The following TSHZ3 variants were observed in gnomAD, a reference collection of about 807,000 sequenced individuals.
TSHZ3 encodes the protein teashirt homolog 3.
A neutral mutation model predicts 64.5 loss-of-function variants in TSHZ3; 10 were observed. That is an observed-to-expected ratio of 0.16 (90% CI 0.10 to 0.26). The LOEUF (loss-of-function observed/expected upper bound fraction) is 0.26, where lower values mean the gene tolerates loss of function less well. Among genes scored for constraint, TSHZ3 ranks in the 10% least tolerant of loss-of-function variants. TSHZ3 has a pLI of 1.00. For missense variants in TSHZ3, 1,242 were observed against 1,421.7 expected (o/e 0.87, Z 2.03); for synonymous variants, 608 against 593.1 (o/e 1.03, Z -0.36).
chr19:31,347,690 C>T (rs1568389169), intron 1 of TSHZ3, among the ~76,000 whole-genome samples: 1 of 152,294 alleles, frequency 6.6e-6, no homozygotes, highest in East Asian at 1.9e-4. Flanking sequence ...TAAATTTGGG[C>T]AACACCGAGG....
At chr19:31,202,024 G>A (rs1412290813) in intron 5 of TSHZ3, among the ~76,000 whole-genome samples, 1 of 152,104 alleles carries the variant, frequency 6.6e-6, no homozygotes, top group Non-Finnish European at 1.5e-5. Context: ...AAAATTAGCT[G>A]AGCGTGCTGG....
rs556516595 is a variant in TSHZ3, at chr19:31,279,484, C to T, written c.309G>A (p.Thr103=). The part of the protein sequence containing the change: ...IKNEEETKEV[T]VPLEDTTVSD... ...ACACAGTCGTGTCTTCCAGTGGGAC[C>T]GTGACCTCCTTGGTCTCCTCTTCGT... The change falls in exon 2 of 2, where the codon ACG becomes ACA. Residue 103 remains threonine (T), a synonymous_variant. Transcript: ENST00000240587. This position sits in a 1 kb window ranked among gnomAD's most constrained non-coding sequence, Gnocchi z 6.4. The T allele has an allele frequency of 3.0e-5, 48 of 1,614,030 alleles. No homozygotes were observed. Among genetic ancestry groups the T allele is most frequent in the Non-Finnish European group, 3.1e-5 (37 of 1,180,032 alleles).
At chr19:31,274,465 C>T (rs1023175571), downstream of TSHZ3, among the ~76,000 whole-genome samples, 7 of 152,026 alleles carry the variant, frequency 4.6e-5, no homozygotes, top group South Asian at 2.1e-4. Flanking sequence ...CTGTCTGACC[C>T]GATTGGTTCT....
At chr19:31,228,981 T>G (rs185551683) in intron 3 of TSHZ3, among the ~76,000 whole-genome samples, 1 of 152,214 alleles carries the variant, frequency 6.6e-6, no homozygotes, top group East Asian at 1.9e-4. Context: ...TGAAACTGAG[T>G]CCAGTAATAT....
chr19:31,164,978 A>G (rs2145107509), intron 5 of TSHZ3, among the ~76,000 whole-genome samples: 1 of 152,312 alleles, frequency 6.6e-6, no homozygotes, highest in South Asian at 2.1e-4. Context: ...CTCGGGCCTC[A>G]GTGGTGGTGG....
At chr19:31,293,762 A>G (rs1404722315) in intron 1 of TSHZ3, among the ~76,000 whole-genome samples, 2 of 152,192 alleles carry the variant, frequency 1.3e-5, no homozygotes, top group Non-Finnish European at 2.9e-5. Flanking sequence ...CTCTTTCCAT[A>G]TACACTACAG....
chr19:31,153,356 T>C (rs967751024), intron 6 of TSHZ3, among the ~76,000 whole-genome samples: 1 of 152,186 alleles, frequency 6.6e-6, no homozygotes, highest in African/African-American at 2.4e-5. Context: ...AGAAAGACTA[T>C]GTGTAAAATT....
chr19:31,340,338 CAAAAAAAA>C (rs1160334453), intron 1 of TSHZ3, among the ~76,000 whole-genome samples: 31 of 32,750 alleles, frequency 9.5e-4, no homozygotes, highest in Admixed American at 9.1e-3. Flanking sequence ...GCCTACAGTA[CAAAAAAAA>C]AAAAAAAAAA....
At chr19:31,267,505 C>A (rs1375464353) in intron 1 of TSHZ3, among the ~76,000 whole-genome samples, 12 of 152,086 alleles carry the variant, frequency 7.9e-5, no homozygotes, top group Admixed American at 7.9e-4. Flanking sequence ...TCCATCAGGC[C>A]CAAGCACAAG....
chr19:31,344,955 T>TGAGA (rs1917541560), intron 1 of TSHZ3, among the ~76,000 whole-genome samples: 1 of 152,190 alleles, frequency 6.6e-6, no homozygotes, highest in South Asian at 2.1e-4. Flanking sequence ...AAGGCAAAAC[T>TGAGA]GAGAACAAAA....
At chr19:31,199,235 C>G (rs1200017991) in intron 5 of TSHZ3, among the ~76,000 whole-genome samples, 2 of 151,798 alleles carry the variant, frequency 1.3e-5, no homozygotes, top group African/African-American at 4.8e-5. Context: ...GAAACCTCAT[C>G]TCTACTAAAA....
rs1235389999 is a variant in TSHZ3, at chr19:31,316,630, CAG to C, written c.40+32548_40+32549del. On this transcript the variant is annotated intron_variant, in intron 1 of 1. Coordinates refer to ENST00000240587, the MANE Select transcript of TSHZ3 (RefSeq NM_020856.4). The stretch of plus-strand genomic sequence containing the variant: ...TGTCGTGTACTAAAATTTTCTGGAA[CAG>C]AGAGGAAATAAGAAAGTAAAAAAGC... Among the ~76,000 whole-genome samples, 6 of 152,146 alleles carry C rather than the reference CAG, an allele frequency of 3.9e-5. No homozygotes were observed. The East Asian group carries it at 1.2e-3, about 29-fold the overall frequency.
At chr19:31,284,973 G>A (rs571787946) in intron 1 of TSHZ3, among the ~76,000 whole-genome samples, 1 of 152,334 alleles carries the variant, frequency 6.6e-6, no homozygotes, top group African/African-American at 2.4e-5. Context: ...GTGCAAAGCA[G>A]ATGTGCTGGG....
chr19:31,173,601 G>T (rs1974566219), intron 5 of TSHZ3, among the ~76,000 whole-genome samples: 1 of 152,128 alleles, frequency 6.6e-6, no homozygotes, highest in Non-Finnish European at 1.5e-5. Context: ...TCCCATCCCA[G>T]GGCATTTGCA....
chr19:31,171,971 C>A (rs1178908531), intron 5 of TSHZ3, among the ~76,000 whole-genome samples: 1 of 152,174 alleles, frequency 6.6e-6, no homozygotes, highest in Non-Finnish European at 1.5e-5. Context: ...CCCATTTGTT[C>A]ATTCCAGGCC....
chr19:31,205,256 G>A lies in TSHZ3; in HGVS notation n.687-178C>T, dbSNP rs183577765. 9.8e-4 allele frequency among the ~76,000 whole-genome samples: 149 copies of A among 152,256 alleles called. 1 individual carries two copies. Among genetic ancestry groups the A allele is most frequent in the Non-Finnish European group, 4.0e-4 (27 of 68,026 alleles). ...TATGCAATTCTCACCCTAAGCCTGC[G>A]ATACCACAATTTTTATAATTTATCA... On this transcript the variant is annotated intron_variant and non_coding_transcript_variant, in intron 4 of 6. Transcript: ENST00000651361.
At chr19:31,332,398 TCTG>T (rs1917122284) in intron 1 of TSHZ3, among the ~76,000 whole-genome samples, 1 of 152,162 alleles carries the variant, frequency 6.6e-6, no homozygotes, top group Non-Finnish European at 1.5e-5. Flanking sequence ...CTGGTGGGGC[TCTG>T]AAAGCTCAAG....
chr19:31,189,066 A>G (rs1383422742), intron 5 of TSHZ3, among the ~76,000 whole-genome samples: 1 of 151,894 alleles, frequency 6.6e-6, no homozygotes, highest in Non-Finnish European at 1.5e-5. Context: ...AAAGTTGTTC[A>G]TAGCATTCCC....
chr19:31,159,925 C>A (rs1459232713), intron 5 of TSHZ3, among the ~76,000 whole-genome samples: 1 of 152,136 alleles, frequency 6.6e-6, no homozygotes, highest in Non-Finnish European at 1.5e-5. Context: ...CTCCTGACCT[C>A]AAGCAATCCT....
Sources: gnomAD v4.1 joint callset for allele counts (sites outside exome capture counted in the v4.1 genomes callset) on GRCh38, gnomAD v4.1.1 for gene constraint, Gnocchi (gnomAD v3.1) non-coding constraint, MANE v1.5 for transcripts, NCBI Gene and HGNC (gene_info 2026-07-23, HGNC 2026-07-21) for gene names.